DMD: variants seen among roughly 807,000 people sequenced by gnomAD.
DMD encodes the protein dystrophin.
DMD carries 63 observed loss-of-function variants against 330.1 expected under a neutral mutation model. That is an observed-to-expected ratio of 0.19 (90% CI 0.16 to 0.24). The LOEUF (loss-of-function observed/expected upper bound fraction) is 0.24. Among genes scored for constraint, DMD ranks in the 10% least tolerant of loss-of-function variants. The probability of loss-of-function intolerance (pLI) is 1.00; values close to 1 mark genes in which losing one functional copy is unlikely to be tolerated. For synonymous variants in DMD, 1,223 were observed against 959.8 expected (o/e 1.27, Z -5.07); for missense variants, 3,344 against 2,684.1 (o/e 1.25, Z -5.43).
At chrX:33,057,707 A>G (rs945496505) in intron 1 of DMD, among the ~76,000 whole-genome samples, 6 of 111,804 alleles carry the variant, frequency 5.4e-5, no homozygotes, top group Admixed American at 1.9e-4. Context: ...GACCTGAATC[A>G]TTATAGATAA....
chrX:31,308,946 C>G (rs2055261933), intron 62 of DMD, among the ~76,000 whole-genome samples: 2 of 110,834 alleles, frequency 1.8e-5, no homozygotes, highest in Non-Finnish European at 3.8e-5. Context: ...ACAGGCTGGT[C>G]TTGAACTCCT....
intron 44 of DMD, among the ~76,000 whole-genome samples, chrX:32,012,022 GC>G (rs926599662): frequency 9.0e-6 from 1 of 111,561 alleles, no homozygotes; most frequent in Non-Finnish European, 1.9e-5. Flanking sequence ...CAGTTGTCAA[GC>G]CCCCCCAGTC....
rs749452063 is a variant in DMD at position 32,922,885 on chromosome X, T to C, written c.94-73065A>G. 4.0e-4 allele frequency among the ~76,000 whole-genome samples: 45 copies of C among 112,648 alleles called. No individual in the cohort carries two copies. The South Asian group carries it at 0.016, about 39-fold the overall frequency. ...ATTGGTATATAAATCTTACACTGTA[T>C]TGTAGAGTCTCAATAAAGTTACTCA... On this transcript the variant is annotated intron_variant, in intron 2 of 78. Coordinates refer to ENST00000357033, the MANE Select transcript of DMD (RefSeq NM_004006.3).
At chrX:32,326,640 C>T (rs1301915366) in intron 41 of DMD, among the ~76,000 whole-genome samples, 4 of 112,042 alleles carry the variant, frequency 3.6e-5, no homozygotes, top group Non-Finnish European at 7.5e-5. Context: ...CGCCATGGCT[C>T]ACACCAGTAA....
intron 7 of DMD, among the ~76,000 whole-genome samples, chrX:32,731,337 G>A (rs1387915056): frequency 8.9e-6 from 1 of 112,446 alleles, no homozygotes; most frequent in South Asian, 3.7e-4. Context: ...GCTGGGGGAG[G>A]GGCACCCGCC....
chrX:33,016,970 A>G (rs1364880347), intron 2 of DMD, among the ~76,000 whole-genome samples: 1 of 112,058 alleles, frequency 8.9e-6, no homozygotes, highest in East Asian at 2.8e-4. Flanking sequence ...TGGAAAGAAT[A>G]TTTACTCTGA....
At position 31,807,971 on chromosome X, in the gene DMD, G is replaced by T. The variant is rs771722190; in HGVS notation, c.7309+12004C>A. ...TCTCTAGGCTTTCATTTCCTCTCATGGTGAAAAATAATAATAATGTAGTAC... is the reference window on the plus strand; with the variant it reads ...TCTCTAGGCTTTCATTTCCTCTCATTGTGAAAAATAATAATAATGTAGTAC... On this transcript the variant is annotated intron_variant, in intron 50 of 78. Coordinates refer to ENST00000357033, the MANE Select transcript of DMD (RefSeq NM_004006.3). Among the ~76,000 whole-genome samples, 7 of 111,396 alleles carry T rather than the reference G, an allele frequency of 6.3e-5. No homozygotes were observed. The East Asian group carries it at 2.0e-3, about 31-fold the overall frequency.
At chrX:31,370,978 T>A (rs983700171) in intron 60 of DMD, among the ~76,000 whole-genome samples, 1 of 111,403 alleles carries the variant, frequency 9.0e-6, no homozygotes, top group Non-Finnish European at 1.9e-5. Flanking sequence ...AATAACAAAA[T>A]TAAAGAAATG....
intron 55 of DMD, among the ~76,000 whole-genome samples, chrX:31,589,235 T>C (rs1201564047): frequency 9.0e-6 from 1 of 111,338 alleles, no homozygotes; most frequent in Non-Finnish European, 1.9e-5. Context: ...GTTGCCTGGC[T>C]TAGAGAATAC....
intron 41 of DMD, among the ~76,000 whole-genome samples, chrX:32,314,936 G>A (rs1261253912): frequency 3.6e-5 from 4 of 111,657 alleles, no homozygotes; most frequent in Non-Finnish European, 7.5e-5. Context: ...TTACACTGTT[G>A]GTGGGAGTGT....
chrX:32,816,973 A>T (rs187719412), intron 5 of DMD, among the ~76,000 whole-genome samples: 178 of 112,191 alleles, frequency 1.6e-3, no homozygotes, highest in African/African-American at 5.5e-3. Flanking sequence ...AAAACATTAG[A>T]CTTATTGTTA....
chrX:32,947,182 G>A (rs1419266767), intron 2 of DMD, among the ~76,000 whole-genome samples: 1 of 111,798 alleles, frequency 8.9e-6, no homozygotes, highest in Non-Finnish European at 1.9e-5. Flanking sequence ...TTATGAGGGA[G>A]GATGATTTTT....
rs765156288 is a variant in DMD, at chrX:32,857,005, G to A, written c.94-7185C>T. Among the ~76,000 whole-genome samples the A allele has an allele frequency of 2.1e-3, 231 of 109,390 alleles. 2 individuals are homozygous for A. Among genetic ancestry groups the A allele is most frequent in the African/African-American group, 7.4e-3 (222 of 29,883 alleles). The allele number at this position is 109,390 out of a possible 115,157, so 95.0% of individuals were successfully genotyped here. On this transcript the variant is annotated intron_variant, in intron 2 of 78. Coordinates refer to ENST00000357033, the MANE Select transcript of DMD (RefSeq NM_004006.3). ...CAGGAGAACGGCGTGAACCCGGGAG[G>A]CGGAGCTTGCAATGAGCCCAGATAG...
At chrX:31,522,525 A>G (rs909024764) in intron 55 of DMD, among the ~76,000 whole-genome samples, 1 of 106,919 alleles carries the variant, frequency 9.4e-6, no homozygotes, top group African/African-American at 3.5e-5. Flanking sequence ...AAGGTACATT[A>G]GAGGCAAGAA....
chrX:31,298,920 T>C (rs1045257116), intron 62 of DMD, among the ~76,000 whole-genome samples: 1 of 112,342 alleles, frequency 8.9e-6, no homozygotes, highest in Non-Finnish European at 1.9e-5. Context: ...AACATAAATA[T>C]CTTCTGAGAG....
intron 7 of DMD, among the ~76,000 whole-genome samples, chrX:32,732,105 C>G (rs183580327): frequency 9.0e-6 from 1 of 111,094 alleles, no homozygotes; most frequent in Non-Finnish European, 1.9e-5. Context: ...TAGAGAAGTA[C>G]GTGAAGAATG....
chrX:31,617,957 G>A (rs778148909), intron 55 of DMD, among the ~76,000 whole-genome samples: 1 of 111,540 alleles, frequency 9.0e-6, no homozygotes, highest in African/African-American at 3.3e-5. Flanking sequence ...ATTATCCTAG[G>A]TGAAATAACA....
At chrX:32,530,315 T>C (rs771084507) in intron 17 of DMD, among the ~76,000 whole-genome samples, 1 of 112,407 alleles carries the variant, frequency 8.9e-6, no homozygotes, top group Non-Finnish European at 1.9e-5. Flanking sequence ...ATATTCATCT[T>C]GGCACCCATA....
chrX:32,664,533 A>G (rs1020929661), intron 9 of DMD, among the ~76,000 whole-genome samples: 34 of 111,133 alleles, frequency 3.1e-4, no homozygotes, highest in Non-Finnish European at 9.4e-5. Flanking sequence ...GAGCCACCGC[A>G]TCCGGCCAAA....
Sources: gnomAD v4.1 joint callset for allele counts (sites outside exome capture counted in the v4.1 genomes callset) on GRCh38, gnomAD v4.1.1 for gene constraint, MANE v1.5 for transcripts, NCBI Gene and HGNC (gene_info 2026-07-23, HGNC 2026-07-21) for gene names.